CRH: variants seen among roughly 807,000 people sequenced by gnomAD.
CRH encodes corticotropin releasing hormone.
Under a neutral mutation model 11.1 loss-of-function variants are expected in CRH, and 6 were observed. The observed-to-expected ratio is 0.54, with a 90% CI of 0.30 to 1.07. The LOEUF (loss-of-function observed/expected upper bound fraction) is 1.07. Ranked by LOEUF, CRH falls within the 50% of genes least tolerant of loss-of-function variation. CRH has a pLI of 0.07. For missense variants in CRH, 289 were observed against 269.4 expected (o/e 1.07, Z -0.51); for synonymous variants, 155 against 132.0 (o/e 1.17, Z -1.19).
rs1480698608 is a variant in CRH at position 66,177,494 on chromosome 8, G to A, written c.-14-3C>T. The A allele has an allele frequency of 1.3e-6, 2 of 1,529,932 alleles. No individual in the cohort carries two copies. The highest frequency in any genetic ancestry group is 1.2e-5 in the South Asian group (1 of 82,638). The allele number at this position is 1,529,932 out of a possible 1,614,324, so 94.8% of individuals were successfully genotyped here. On this transcript the variant is annotated splice_polypyrimidine_tract_variant and splice_region_variant and intron_variant, in intron 1 of 1. Transcript: ENST00000276571. The stretch of plus-strand genomic sequence containing the variant: ...CAGCCGCATGTTAGGGGCACTCGCT[G>A]CGGCACAGAGGTGGGCGGAGGGCGG...
At position 66,177,113 on chromosome 8, in the gene CRH, G is replaced by GGCAGCAGCAGCTGCT; in HGVS notation, c.350_364dup (p.Gln117_Leu121dup). On this transcript the variant is annotated inframe_insertion, in exon 2 of 2. Transcript: ENST00000276571. Reference sequence around the variant, plus strand: ...CGCGGGGCTGTCGAGCGAGCGCCGAGGCAGCAGCAGCTGCTGCAGCAACAC... The same window carrying GGCAGCAGCAGCTGCT: ...CGCGGGGCTGTCGAGCGAGCGCCGAGGCAGCAGCAGCTGCTGCAGCAGCAGCTGCTGCAGCAACAC... 3 of 1,569,898 alleles carry GGCAGCAGCAGCTGCT rather than the reference G, an allele frequency of 1.9e-6. No individual in the cohort carries two copies. The highest frequency in any genetic ancestry group is 2.6e-6 in the Non-Finnish European group (3 of 1,156,294).
rs1317599235 is a variant in CRH, at chr8:66,178,352, C to CG, written c.-75dup. ...CCGCCTCTCTGCAGAGAGACGTCTC[C>CG]GGGGGCTTTCTCTGGAGGTTGTCTT... On this transcript the variant is annotated 5_prime_UTR_variant, in exon 1 of 2. Transcript: ENST00000276571. 2.0e-5 allele frequency: 3 copies of CG among 152,164 alleles called. No individual in the cohort carries two copies. Among genetic ancestry groups the CG allele is most frequent in the African/African-American group, 7.3e-5 (3 of 41,256 alleles). The allele number at this position is 152,164 out of a possible 1,614,324, so 9.4% of individuals were successfully genotyped here.
Position 66,177,485 on chromosome 8 carries a change from G to A in CRH, c.-8C>T. The A allele has an allele frequency of 2.6e-6, 4 of 1,532,594 alleles. No individual in the cohort carries two copies. Among genetic ancestry groups the A allele is most frequent in the Non-Finnish European group, 3.5e-6 (4 of 1,145,184 alleles). The allele number at this position is 1,532,594 out of a possible 1,614,324, so 94.9% of individuals were successfully genotyped here. Reference sequence around the variant, plus strand: ...AAGCAGCGGCAGCCGCATGTTAGGGGCACTCGCTGCGGCACAGAGGTGGGC... The same window carrying A: ...AAGCAGCGGCAGCCGCATGTTAGGGACACTCGCTGCGGCACAGAGGTGGGC... On this transcript the variant is annotated 5_prime_UTR_variant, in exon 2 of 2. Coordinates refer to ENST00000276571, the MANE Select transcript of CRH (RefSeq NM_000756.4).
chr8:66,177,519 G>C (rs1811925326), intron 1 of CRH, 28 bp from the exon 2 acceptor site: 1 of 1,512,680 alleles, frequency 6.6e-7, no homozygotes, highest in Non-Finnish European at 8.8e-7. Flanking sequence ...GCGGAGGGCG[G>C]AATGAGAGAG....
Position 66,177,216 on chromosome 8 carries a change from A to C in CRH, c.262T>G (p.Ser88Ala). The C allele has an allele frequency of 6.5e-7, 1 of 1,541,136 alleles. No homozygotes were observed. Among genetic ancestry groups the C allele is most frequent in the Non-Finnish European group, 8.7e-7 (1 of 1,147,198 alleles). The change falls in exon 2 of 2, where the codon TCG becomes GCG. Residue 88 changes from serine to alanine, a missense_variant. Around this residue, in one of 2 missense-constraint regions of CRH, gnomAD observed 261 missense variants for 219.0 expected, o/e 1.19. Transcript: ENST00000276571. ...NLNKSPAAPL[S>A]PASSLLAGGS... is the part of the protein sequence containing the mutation. The stretch of plus-strand genomic sequence containing the variant: ...CCGGCGAGGAGCGAGGAGGCGGGCG[A>C]AAGGGGAGCGGCCGGGCTCTTGTTG...
In CRH at chr8:66,177,206, G is replaced by C; in HGVS notation, c.272C>G (p.Ser91Cys). 6.5e-7 allele frequency: 1 copy of C among 1,541,214 alleles called. No homozygotes were observed. The highest frequency in any genetic ancestry group is 8.7e-7 in the Non-Finnish European group (1 of 1,147,056). The change falls in exon 2 of 2, where the codon TCC (serine) becomes TGC (cysteine). Residue 91 changes from serine (S) to cysteine (C), a missense_variant. Around this residue, in one of 2 missense-constraint regions of CRH, gnomAD observed 261 missense variants for 219.0 expected, o/e 1.19. Transcript: ENST00000276571. ...KSPAAPLSPA[S>C]SLLAGGSGSR... Reference sequence around the variant, plus strand: ...GCCGCTGCCTCCGGCGAGGAGCGAGGAGGCGGGCGAAAGGGGAGCGGCCGG... The same window carrying C: ...GCCGCTGCCTCCGGCGAGGAGCGAGCAGGCGGGCGAAAGGGGAGCGGCCGG...
rs1031049627 is a variant in CRH, at chr8:66,177,509, G to A, written c.-14-18C>T. On this transcript the variant is annotated intron_variant, in intron 1 of 1. Coordinates refer to ENST00000276571, the MANE Select transcript of CRH (RefSeq NM_000756.4). The stretch of plus-strand genomic sequence containing the variant: ...GGCACTCGCTGCGGCACAGAGGTGG[G>A]CGGAGGGCGGAATGAGAGAGGGGAA... 5 of 1,518,782 alleles carry A rather than the reference G, an allele frequency of 3.3e-6. No individual in the cohort carries two copies. In the South Asian group the frequency reaches 3.7e-5, roughly 11 times the overall value. The allele number at this position is 1,518,782 out of a possible 1,614,324, so 94.1% of individuals were successfully genotyped here.
chr8:66,176,782 A>G lies in CRH; in HGVS notation c.*105T>C, dbSNP rs1447445672. The G allele has an allele frequency of 1.5e-6, 2 of 1,377,408 alleles. No individual in the cohort carries two copies. The highest frequency in any genetic ancestry group is 1.9e-6 in the Non-Finnish European group (2 of 1,044,382). The allele number at this position is 1,377,408 out of a possible 1,614,324, so 85.3% of individuals were successfully genotyped here. A position where few individuals can be genotyped will look rare whatever the true frequency, so the allele number is the denominator to read the frequency against. Reference sequence around the variant, plus strand: ...TCTCCCTCTATGTTTCAAGCTATATAAAAATAAACAAATGGCATAAGAGCA... The same window carrying G: ...TCTCCCTCTATGTTTCAAGCTATATGAAAATAAACAAATGGCATAAGAGCA... On this transcript the variant is annotated 3_prime_UTR_variant, in exon 2 of 2. Coordinates refer to ENST00000276571, the MANE Select transcript of CRH (RefSeq NM_000756.4).
Position 66,177,050 on chromosome 8 carries a change from C to T in CRH, c.428G>A (p.Gly143Asp). Residue 143 changes from glycine (G) to aspartate (D), a missense_variant, in exon 2 of 2, where the codon GGC (glycine) becomes GAC (aspartate). Around this residue, in one of 2 missense-constraint regions of CRH, gnomAD observed 261 missense variants for 219.0 expected, o/e 1.19. Transcript: ENST00000276571. ...TTCTCTCTCCGGTGCCTCCTGGTGG[C>T]CGCCGAGGGCATTCCTAGCGCCGCG... is the stretch of plus-strand genomic sequence containing the variant. ...AERGARNALG[G>D]HQEAPERERR... is the part of the protein sequence containing the mutation. 3.1e-6 allele frequency: 5 copies of T among 1,611,948 alleles called. No individual in the cohort carries two copies. The highest frequency in any genetic ancestry group is 4.2e-6 in the Non-Finnish European group (5 of 1,178,932).
Position 66,176,585 on chromosome 8 carries a change from T to C in CRH, c.*302A>G. On this transcript the variant is annotated 3_prime_UTR_variant, in exon 2 of 2. Coordinates refer to ENST00000276571, the MANE Select transcript of CRH (RefSeq NM_000756.4). The stretch of plus-strand genomic sequence containing the variant: ...ACAACAAAAACAATTGAGTGACTTC[T>C]GTCTGCTTTTTCAAACAAAACGTTT... 1 of 197,140 alleles carries C rather than the reference T, an allele frequency of 5.1e-6. No homozygotes were observed. Among genetic ancestry groups the C allele is most frequent in the East Asian group, 1.2e-4 (1 of 8,286 alleles). The allele number at this position is 197,140 out of a possible 1,614,324, so 12.2% of individuals were successfully genotyped here. A position where few individuals can be genotyped will look rare whatever the true frequency, so the allele number is the denominator to read the frequency against.
rs1563402808 is a variant in CRH, at chr8:66,177,053, C to T, written c.425G>A (p.Gly142Asp). ...TCTCTCCGGTGCCTCCTGGTGGCCG[C>T]CGAGGGCATTCCTAGCGCCGCGCTC... ...LAERGARNAL[G>D]GHQEAPERER... Residue 142 changes from glycine to aspartate, a missense_variant, in exon 2 of 2, where the codon GGC (glycine) becomes GAC (aspartate). Gly to Asp is a moderately conservative substitution (Grantham distance 94). Transcript: ENST00000276571. 1.2e-6 allele frequency: 2 copies of T among 1,611,982 alleles called. No individual in the cohort carries two copies. Among genetic ancestry groups the T allele is most frequent in the Non-Finnish European group, 1.7e-6 (2 of 1,178,912 alleles).
intron 1 of CRH, 146 bp from the exon 2 acceptor site, chr8:66,177,637 C>T: frequency 6.7e-6 from 8 of 1,194,866 alleles, no homozygotes; most frequent in South Asian, 3.3e-5. Flanking sequence ...CTCAGTGATT[C>T]GGATGGGCGC....
chr8:66,176,705 C>T lies in CRH; in HGVS notation c.*182G>A. On this transcript the variant is annotated 3_prime_UTR_variant, in exon 2 of 2. Coordinates refer to ENST00000276571, the MANE Select transcript of CRH (RefSeq NM_000756.4). ...AACGAATAACATTGTGTTGCTGCTG[C>T]ACGTGAATACACTTTGTGCATGCTA... The T allele has an allele frequency of 1.6e-6, 1 of 621,564 alleles. No homozygotes were observed. The highest frequency in any genetic ancestry group is 2.4e-6 in the Non-Finnish European group (1 of 410,484). The allele number at this position is 621,564 out of a possible 1,614,324, so 38.5% of individuals were successfully genotyped here.
chr8:66,177,815 T>A (rs539926585), intron 1 of CRH, among the ~76,000 whole-genome samples: 188 of 152,302 alleles, frequency 1.2e-3, no homozygotes, highest in Middle Eastern at 6.8e-3. Context: ...TTCCCGATCC[T>A]AGAGAAGAGC....
In CRH at chr8:66,177,225, C is replaced by A; in HGVS notation, c.253G>T (p.Ala85Ser). 1.9e-6 allele frequency: 3 copies of A among 1,540,988 alleles called. No homozygotes were observed. The highest frequency in any genetic ancestry group is 1.2e-5 in the South Asian group (1 of 84,274). ...AGCGAGGAGGCGGGCGAAAGGGGAG[C>A]GGCCGGGCTCTTGTTGAGGTTCCCC... Reference protein sequence around the residue: ...RLGNLNKSPAAPLSPASSLLA... With the variant: ...RLGNLNKSPASPLSPASSLLA... The change falls in exon 2 of 2, where the codon GCT becomes TCT. Residue 85 changes from alanine to serine, a missense_variant. Ala to Ser is a moderately conservative substitution (Grantham distance 99, BLOSUM62 1). Transcript: ENST00000276571.
Position 66,177,129 on chromosome 8 carries a change from G to A in CRH, c.349C>T (p.Gln117Ter). 1 of 1,554,054 alleles carries A rather than the reference G, an allele frequency of 6.4e-7. No individual in the cohort carries two copies. The highest frequency in any genetic ancestry group is 8.7e-7 in the Non-Finnish European group (1 of 1,149,192). Reference protein sequence around the residue: ...ATANFFRVLLQQLLLPRRSLD... With the variant: ...ATANFFRVLL ...GAGCGCCGAGGCAGCAGCAGCTGCT[G>A]CAGCAACACGCGGAAAAAGTTGGCG... is the stretch of plus-strand genomic sequence containing the variant. The change falls in exon 2 of 2, where the codon CAG (glutamine) becomes TAG (stop). Residue 117 changes from glutamine (Q) to a stop codon, truncating the protein, a stop_gained. Coordinates refer to ENST00000276571, the MANE Select transcript of CRH (RefSeq NM_000756.4). LOFTEE classifies it high-confidence loss of function.
chr8:66,177,744 C>A (rs778517670), intron 1 of CRH, among the ~76,000 whole-genome samples: 62 of 152,332 alleles, frequency 4.1e-4, no homozygotes, highest in Admixed American at 1.2e-3. Context: ...AGTGACCCTT[C>A]TTTCTAGACT....
Position 66,177,066 on chromosome 8 carries a change from T to C in CRH, c.412A>G (p.Arg138Gly), listed in dbSNP as rs1221143554. 1.2e-6 allele frequency: 2 copies of C among 1,607,778 alleles called. No homozygotes were observed. The highest frequency in any genetic ancestry group is 1.7e-6 in the Non-Finnish European group (2 of 1,176,620). ...TCCTGGTGGCCGCCGAGGGCATTCC[T>C]AGCGCCGCGCTCCGCGAGAGCCGCG... Reference protein sequence around the residue: ...SPAALAERGARNALGGHQEAP... With the variant: ...SPAALAERGAGNALGGHQEAP... The change falls in exon 2 of 2, where the codon AGG becomes GGG. Residue 138 changes from arginine to glycine, a missense_variant. By Grantham distance (125) the Arg-to-Gly change is moderately radical. Coordinates refer to ENST00000276571, the MANE Select transcript of CRH (RefSeq NM_000756.4).
At chr8:66,177,666 G>T (rs1293806949) in intron 1 of CRH, among the ~76,000 whole-genome samples, 175 bp from the exon 2 acceptor site, 1 of 152,170 alleles carries the variant, frequency 6.6e-6, no homozygotes, top group South Asian at 2.1e-4. Context: ...GTGCTGAAGC[G>T]CCTGGGGAGC....
Sources: allele counts gnomAD v4.1 joint callset (sites outside exome capture counted in the v4.1 genomes callset), GRCh38; gene constraint gnomAD v4.1.1; regional missense constraint gnomAD v4.1.1; transcripts MANE v1.5; gene names NCBI Gene and HGNC (gene_info 2026-07-23, HGNC 2026-07-21).